Variants in PER3 observed in about 807,000 individuals in gnomAD.
PER3 encodes period circadian protein homolog 3.
Under a neutral mutation model 127.2 loss-of-function variants are expected in PER3, and 107 were observed. The ratio of observed to expected loss-of-function variants is 0.84; its 90% CI spans 0.72 to 0.99. The LOEUF (loss-of-function observed/expected upper bound fraction) is 0.99. Among genes scored for constraint, PER3 ranks in the 50% least tolerant of loss-of-function variants. PER3 has a pLI of 0.00. For missense variants in PER3, 1,560 were observed against 1,525.8 expected, an observed-to-expected ratio of 1.02 and a Z score of -0.37; for synonymous variants, 618 against 585.8, an observed-to-expected ratio of 1.05 and a Z score of -0.79.
intron 19 of PER3, 147 bp from the exon 20 acceptor site, chr1:7,835,615 C>G: frequency 1.7e-6 from 1 of 591,532 alleles, no homozygotes. Context: ...AGGAGGCTGT[C>G]CACAGGGAGG....
intron 19 of PER3, among the ~76,000 whole-genome samples, chr1:7,831,874 G>A (rs1206896753): frequency 6.6e-6 from 1 of 152,066 alleles, no homozygotes; most frequent in African/African-American, 2.4e-5. Flanking sequence ...TCTGGTTTTG[G>A]TATCAGAGTA....
rs1420611766 is a variant in PER3, at chr1:7,802,957, C to T, written c.873-90C>T. Reference sequence around the variant, plus strand: ...TAAACAGCTTTGCATAAAATTGTCTCACATTTAGAATGAAATACAGAAGTA... The same window carrying T: ...TAAACAGCTTTGCATAAAATTGTCTTACATTTAGAATGAAATACAGAAGTA... On this transcript the variant is annotated intron_variant, in intron 8 of 21. Coordinates refer to ENST00000377532, the MANE Select transcript of PER3 (RefSeq NM_001377275.1). 2.0e-5 allele frequency: 16 copies of T among 799,912 alleles called. No individual in the cohort carries two copies. In the East Asian group the frequency reaches 3.9e-4, roughly 20 times the overall value. The allele number at this position is 799,912 out of a possible 1,614,324, so 49.6% of individuals were successfully genotyped here.
chr1:7,820,091 T>C (rs1400434116), intron 14 of PER3, 24 bp from the exon 15 acceptor site: 2 of 1,610,030 alleles, frequency 1.2e-6, no homozygotes, highest in African/African-American at 2.7e-5. Flanking sequence ...GGTAAGAATG[T>C]GTGGCCTAAT....
chr1:7,816,406 T>G (rs2097251728), intron 13 of PER3, among the ~76,000 whole-genome samples: 1 of 152,196 alleles, frequency 6.6e-6, no homozygotes, highest in African/African-American at 2.4e-5. Flanking sequence ...GTACCCAATC[T>G]TATCTGAAAG....
intron 2 of PER3, 61 bp downstream of exon 2, chr1:7,785,066 A>G: frequency 6.5e-7 from 1 of 1,527,810 alleles, no homozygotes; most frequent in Non-Finnish European, 8.8e-7. Context: ...TGGAGCAGGG[A>G]AAGGGGGACC....
intron 4 of PER3, 28 bp downstream of exon 4, chr1:7,786,864 A>C: frequency 1.6e-5 from 21 of 1,328,018 alleles, no homozygotes; most frequent in Non-Finnish European, 2.1e-5. Context: ...TTGCCATATC[A>C]ACCTGGGTGA....
chr1:7,801,175 C>T lies in PER3; in HGVS notation c.856C>T (p.Leu286Phe). 2 of 1,586,450 alleles carry T rather than the reference C, an allele frequency of 1.3e-6. No homozygotes were observed. Among genetic ancestry groups the T allele is most frequent in the East Asian group, 2.2e-5 (1 of 44,546 alleles). The stretch of plus-strand genomic sequence containing the variant: ...CACACACACCCCAGGGTGTGTTTTT[C>T]TTGAAGTAGATGAAAAGTAAGTACT... ...TTTHTPGCVF[L>F]EVDEKAVPLL... The change falls in exon 8 of 22, where the codon CTT becomes TTT. Residue 286 changes from leucine (L) to phenylalanine (F), a missense_variant. By Grantham distance (22) the Leu-to-Phe change is conservative. Around this residue, in one of 3 missense-constraint regions of PER3, gnomAD observed 1,332 missense variants for 1,223.6 expected, o/e 1.09. Coordinates refer to ENST00000377532, the MANE Select transcript of PER3 (RefSeq NM_001377275.1).
In PER3 at chr1:7,829,783, A is replaced by G; in HGVS notation, c.2887-51A>G. On this transcript the variant is annotated intron_variant, in intron 18 of 21. Transcript: ENST00000377532. ...ACCATGAATAAAGGAGGACTACTGT[A>G]TTTTGTGATAAGAAGATTAAAGTGT... 2.8e-6 allele frequency: 4 copies of G among 1,453,226 alleles called. No individual in the cohort carries two copies. In the South Asian group the frequency reaches 4.8e-5, roughly 17 times the overall value. The allele number at this position is 1,453,226 out of a possible 1,614,324, so 90.0% of individuals were successfully genotyped here.
Position 7,784,856 on chromosome 1 carries a change from G to A in PER3, c.-22G>A. On this transcript the variant is annotated 5_prime_UTR_variant, in exon 2 of 22. Coordinates refer to ENST00000377532, the MANE Select transcript of PER3 (RefSeq NM_001377275.1). ...GCTGCGGGCCGTCCCAGCACGACGT[G>A]GAGCCCCGCGGAGACCTCGAGATGC... 1 of 1,461,238 alleles carries A rather than the reference G, an allele frequency of 6.8e-7. No homozygotes were observed. Among genetic ancestry groups the A allele is most frequent in the East Asian group, 2.8e-5 (1 of 36,278 alleles). The allele number at this position is 1,461,238 out of a possible 1,614,324, so 90.5% of individuals were successfully genotyped here. A position where few individuals can be genotyped will look rare whatever the true frequency, so the allele number is the denominator to read the frequency against.
At chr1:7,833,499 A>G (rs889867900) in intron 19 of PER3, among the ~76,000 whole-genome samples, 1 of 152,200 alleles carries the variant, frequency 6.6e-6, no homozygotes, top group East Asian at 1.9e-4. Context: ...TGCTCTCTTT[A>G]TCCTGAAATA....
chr1:7,798,574 A>G lies in PER3; in HGVS notation c.694A>G (p.Ile232Val), dbSNP rs571791729. The change falls in exon 7 of 22, where the codon ATC becomes GTC. Residue 232 changes from isoleucine (I) to valine (V), a missense_variant. Around this residue, in one of 3 missense-constraint regions of PER3, gnomAD observed 1,332 missense variants for 1,223.6 expected, o/e 1.09. Coordinates refer to ENST00000377532, the MANE Select transcript of PER3 (RefSeq NM_001377275.1). The stretch of plus-strand genomic sequence containing the variant: ...GAAGTGTCACTCCCCATTCCGGATC[A>G]TCCCCTATCTGATTCATGTACATCA... ...QEKCHSPFRI[I>V]PYLIHVHHPA... 1.5e-5 allele frequency: 25 copies of G among 1,613,318 alleles called. No individual in the cohort carries two copies. The African/African-American group carries it at 2.4e-4, about 15-fold the overall frequency.
rs1418821443 is a variant in PER3 at position 7,845,020 on chromosome 1, T to G, written c.*2265T>G. 2 of 152,420 alleles carry G rather than the reference T, an allele frequency of 1.3e-5. No individual in the cohort carries two copies. Among genetic ancestry groups the G allele is most frequent in the Non-Finnish European group, 2.9e-5 (2 of 68,052 alleles). 9.4% of individuals were successfully genotyped at this position (152,420 alleles called of 1,614,324 possible). A position where few individuals can be genotyped will look rare whatever the true frequency, so the allele number is the denominator to read the frequency against. ...AAATCATTTTGCAATTGAGTGACAC[T>G]TCATTGTAATTCACAGTGTAAATTT... On this transcript the variant is annotated 3_prime_UTR_variant, in exon 22 of 22. Transcript: ENST00000377532.
intron 10 of PER3, among the ~76,000 whole-genome samples, chr1:7,804,277 G>A (rs1209290714): frequency 6.7e-6 from 1 of 149,494 alleles, no homozygotes; most frequent in Non-Finnish European, 1.5e-5. Flanking sequence ...TTGGTTAAGT[G>A]TAGGTACTAG....
intron 10 of PER3, among the ~76,000 whole-genome samples, chr1:7,806,760 C>CTCCA (rs1255627909): frequency 7.0e-6 from 1 of 143,880 alleles, no homozygotes; most frequent in East Asian, 2.1e-4. Context: ...CACCACTGCA[C>CTCCA]TCCAGGCTGG....
chr1:7,791,780 C>CA (rs2097122623), intron 5 of PER3, among the ~76,000 whole-genome samples: 2 of 152,174 alleles, frequency 1.3e-5, no homozygotes, highest in African/African-American at 4.8e-5. Context: ...GATCTCTAGG[C>CA]CAGGAGCAAA....
rs1430903810 is a variant in PER3, at chr1:7,785,481, A to G, written c.169A>G (p.Met57Val). Residue 57 changes from methionine (M) to valine (V), a missense_variant, in exon 3 of 22, where the codon ATG (methionine) becomes GTG (valine). Physicochemically the swap from Met to Val is conservative, Grantham distance 21 (BLOSUM62 1). Coordinates refer to ENST00000377532, the MANE Select transcript of PER3 (RefSeq NM_001377275.1). ...DRNRVSEELIMVVQEMKKYFP... is the reference protein window; with the variant it reads ...DRNRVSEELIVVVQEMKKYFP... Reference sequence around the variant, plus strand: ...AAACAGAGTTTCTGAAGAACTTATCATGGTTGTCCAAGAAATGAAAAAATA... The same window carrying G: ...AAACAGAGTTTCTGAAGAACTTATCGTGGTTGTCCAAGAAATGAAAAAATA... 8 of 1,612,428 alleles carry G rather than the reference A, an allele frequency of 5.0e-6. No homozygotes were observed. In the Admixed American group the frequency reaches 1.2e-4, roughly 24 times the overall value.
chr1:7,841,915 A>G (rs2097391572), intron 21 of PER3, among the ~76,000 whole-genome samples: 2 of 152,192 alleles, frequency 1.3e-5, no homozygotes, highest in African/African-American at 2.4e-5. Context: ...GTTTTGTGCA[A>G]GCGTCCTAGA....
rs747221099 is a variant in PER3, at chr1:7,788,094, T to G, written c.440T>G (p.Ile147Ser). The change falls in exon 5 of 22, where the codon ATT becomes AGT. Residue 147 changes from isoleucine to serine, a missense_variant. Physicochemically the swap from Ile to Ser is moderately radical, Grantham distance 142. This residue lies in a region of PER3 where 1,332 missense variants were observed against 1,223.6 expected (regional missense o/e 1.09). Transcript: ENST00000377532. ...TTTCTGTCTGGAAGGTTAGTGCACATTTCTGAACAGGCTGCTTTGATCCTG... is the reference window on the plus strand; with the variant it reads ...TTTCTGTCTGGAAGGTTAGTGCACAGTTCTGAACAGGCTGCTTTGATCCTG... ...FSFLSGRLVH[I>S]SEQAALILNR... The G allele has an allele frequency of 3.7e-6, 6 of 1,614,090 alleles. No individual in the cohort carries two copies. Among genetic ancestry groups the G allele is most frequent in the Non-Finnish European group, 5.1e-6 (6 of 1,179,926 alleles).
At chr1:7,840,592 A>G (rs1242495461) in intron 21 of PER3, among the ~76,000 whole-genome samples, 2 of 151,150 alleles carry the variant, frequency 1.3e-5, no homozygotes, top group Non-Finnish European at 2.9e-5. Flanking sequence ...TGCTAGGATT[A>G]TAGGTATGAG....
Sources: allele counts gnomAD v4.1 joint callset (sites outside exome capture counted in the v4.1 genomes callset), GRCh38; gene constraint gnomAD v4.1.1; regional missense constraint gnomAD v4.1.1; transcripts MANE v1.5; gene names NCBI Gene and HGNC (gene_info 2026-07-23, HGNC 2026-07-21).